RAE1: variants seen among roughly 807,000 people sequenced by gnomAD.
RAE1 encodes ribonucleic acid export 1.
In RAE1, 13 loss-of-function variants were observed where a neutral mutation model predicts 52.7. That is an observed-to-expected ratio of 0.25 (90% CI 0.16 to 0.39). The LOEUF (loss-of-function observed/expected upper bound fraction) is 0.39, where lower values mean the gene tolerates loss of function less well. RAE1 is among the 10% of genes least tolerant of loss of function. The pLI is 1.00. For synonymous variants in RAE1, 164 were observed against 153.1 expected, an observed-to-expected ratio of 1.07 and a Z score of -0.52; for missense variants, 262 against 459.8, an observed-to-expected ratio of 0.57 and a Z score of 3.93.
chr20:57,367,165 G>A, intron 7 of RAE1, 86 bp downstream of exon 7: 1 of 1,164,166 alleles, frequency 8.6e-7, no homozygotes. Flanking sequence ...CAGTTAGTGA[G>A]TGGATAATAT....
intron 7 of RAE1, among the ~76,000 whole-genome samples, chr20:57,368,339 A>G (rs1600721803): frequency 6.6e-6 from 1 of 152,218 alleles, no homozygotes; most frequent in Non-Finnish European, 1.5e-5. Flanking sequence ...CTTATGAAAC[A>G]TGTTTTGAGT....
rs1164094549 is a variant in RAE1 at position 57,351,293 on chromosome 20, A to G, written c.-137A>G. 4.1e-6 allele frequency: 4 copies of G among 985,380 alleles called. No individual in the cohort carries two copies. The highest frequency in any genetic ancestry group is 3.6e-6 in the Non-Finnish European group (3 of 829,898). The allele number at this position is 985,380 out of a possible 1,614,324, so 61.0% of individuals were successfully genotyped here. A position where few individuals can be genotyped will look rare whatever the true frequency, so the allele number is the denominator to read the frequency against. ...TCAGGGCAGTTTCTACCGCAGGCTT[A>G]AGGAGGCTTCGGGCTCCTGGGATTT... is the stretch of plus-strand genomic sequence containing the variant. On this transcript the variant is annotated 5_prime_UTR_variant, in exon 1 of 12. Coordinates refer to ENST00000395841, the MANE Select transcript of RAE1 (RefSeq NM_003610.4).
intron 8 of RAE1, chr20:57,373,073 A>G (rs956686752): frequency 8.7e-5 from 21 of 242,168 alleles, no homozygotes; most frequent in Non-Finnish European, 1.6e-4. Context: ...CAGAGCCTGC[A>G]TCCCTCCTCC....
intron 4 of RAE1, chr20:57,358,911 T>G (rs372709331): frequency 7.5e-7 from 1 of 1,338,964 alleles, no homozygotes; most frequent in African/African-American, 1.5e-5. Context: ...CTTGTTGGAG[T>G]TTTTATTTGC....
intron 6 of RAE1, 24 bp downstream of exon 6, chr20:57,366,917 G>GT (rs770447348): frequency 3.8e-6 from 6 of 1,593,158 alleles, no homozygotes; most frequent in Non-Finnish European, 3.4e-6. Context: ...TTGAGGCATT[G>GT]TTTGGCCCCA....
intron 10 of RAE1, 105 bp from the exon 11 acceptor site, chr20:57,374,502 G>A: frequency 9.6e-7 from 1 of 1,039,526 alleles, no homozygotes. Flanking sequence ...GGAAGGAAAT[G>A]TACCTGTGCG....
At chr20:57,367,119 AAAAC>A in intron 7 of RAE1, 40 bp downstream of exon 7, 4 of 1,474,650 alleles carry the variant, frequency 2.7e-6, no homozygotes, top group Non-Finnish European at 3.7e-6. Context: ...CTTTAAAAAA[AAAAC>A]AAAATAAGTA....
intron 5 of RAE1, among the ~76,000 whole-genome samples, chr20:57,366,428 A>C (rs894334311): frequency 6.6e-6 from 1 of 152,152 alleles, no homozygotes; most frequent in African/African-American, 2.4e-5. Context: ...CAGGAGATGG[A>C]GCAGGCACAT....
chr20:57,354,159 G>A, intron 2 of RAE1, 31 bp downstream of exon 2: 3 of 1,590,826 alleles, frequency 1.9e-6, no homozygotes, highest in Non-Finnish European at 2.6e-6. Context: ...GGGCTTGTAG[G>A]AAGAGTTTGG....
intron 8 of RAE1, among the ~76,000 whole-genome samples, 158 bp downstream of exon 8, chr20:57,368,970 T>C (rs767474350): frequency 2.0e-5 from 3 of 152,218 alleles, no homozygotes; most frequent in Admixed American, 6.5e-5. Flanking sequence ...TGAGTGAATA[T>C]TAAGTAATAC....
chr20:57,354,655 A>G (rs2066758049), intron 2 of RAE1, 57 bp from the exon 3 acceptor site: 1 of 1,299,840 alleles, frequency 7.7e-7, no homozygotes, highest in South Asian at 1.5e-5. Context: ...GAAAGAAAAC[A>G]ATTTGGAATG....
chr20:57,378,405 A>G lies in RAE1; in HGVS notation c.*306A>G, dbSNP rs765417163. 2.3e-5 allele frequency: 7 copies of G among 306,326 alleles called. No homozygotes were observed. Among genetic ancestry groups the G allele is most frequent in the Non-Finnish European group, 4.2e-5 (7 of 165,078 alleles). 19.0% of individuals were successfully genotyped at this position (306,326 alleles called of 1,614,324 possible). A position where few individuals can be genotyped will look rare whatever the true frequency, so the allele number is the denominator to read the frequency against. ...TGTACGTGTTAGAGAATATTGGAAA[A>G]GCGTCTGTGAGCCCCGTGCTGTATT... On this transcript the variant is annotated 3_prime_UTR_variant, in exon 12 of 12. Transcript: ENST00000395841.
At chr20:57,368,865 G>C in intron 8 of RAE1, 53 bp downstream of exon 8, 1 of 1,415,680 alleles carries the variant, frequency 7.1e-7, no homozygotes, top group South Asian at 1.2e-5. Flanking sequence ...TTGTATGCAA[G>C]ATTGTGCTCA....
chr20:57,371,224 G>A (rs2067031139), intron 8 of RAE1: 1 of 152,246 alleles, frequency 6.6e-6, no homozygotes, highest in South Asian at 2.1e-4. Flanking sequence ...GTGGAACTGT[G>A]TTAAACTAAC....
At chr20:57,367,159 TAGTG>T (rs2066967100) in intron 7 of RAE1, 80 bp downstream of exon 7, 1 of 1,203,976 alleles carries the variant, frequency 8.3e-7, no homozygotes, top group South Asian at 1.5e-5. Context: ...GTCCTGCAGT[TAGTG>T]AGTGGATAAT....
At chr20:57,359,088 G>A (rs760713079) in intron 4 of RAE1, 128 of 1,352,260 alleles carry the variant, frequency 9.5e-5, no homozygotes, top group South Asian at 1.2e-4. Context: ...ACCTTCGCAC[G>A]GTCAGGATAC....
At chr20:57,363,862 AT>A (rs2066920811) in intron 4 of RAE1, among the ~76,000 whole-genome samples, 1 of 152,210 alleles carries the variant, frequency 6.6e-6, no homozygotes, top group South Asian at 2.1e-4. Flanking sequence ...AGAAGAACAA[AT>A]ACAACTTCTC....
chr20:57,354,614 C>T (rs545114202), intron 2 of RAE1, 98 bp from the exon 3 acceptor site: 4 of 802,904 alleles, frequency 5.0e-6, no homozygotes, highest in East Asian at 5.9e-5. Context: ...TTCTTGTACA[C>T]AAGGAAAGGC....
intron 2 of RAE1, 72 bp downstream of exon 2, chr20:57,354,200 G>A (rs1197455437): frequency 3.0e-6 from 4 of 1,355,260 alleles, no homozygotes; most frequent in Middle Eastern, 1.9e-4. Context: ...GACAGAACCC[G>A]AGATGACTTG....
Sources: gnomAD v4.1 joint callset for allele counts (sites outside exome capture counted in the v4.1 genomes callset) on GRCh38, gnomAD v4.1.1 for gene constraint, MANE v1.5 for transcripts, NCBI Gene and HGNC (gene_info 2026-07-23, HGNC 2026-07-21) for gene names.